Variants in LOC400499 observed in about 807,000 individuals in gnomAD.
the LOC400499 span, chr16:11,392,766 G>C: frequency 1.0e-6 from 1 of 983,982 alleles, no homozygotes. Flanking sequence ...ACCAAGGCAG[G>C]AGTACAGTGG....
chr16:11,398,795 G>A, the LOC400499 span, among the ~76,000 whole-genome samples: 38 of 152,086 alleles, frequency 2.5e-4, no homozygotes, highest in Non-Finnish European at 4.7e-4. Flanking sequence ...AAATAGCTAG[G>A]ATTACAGGTG....
chr16:11,486,762 GGA>G, the LOC400499 span, among the ~76,000 whole-genome samples: 1 of 64,290 alleles, frequency 1.6e-5, no homozygotes, highest in Non-Finnish European at 2.8e-5. Flanking sequence ...GTGGGTGGAT[GGA>G]TGAATGGATA....
At chr16:11,501,004 G>A in the LOC400499 span, 6 of 398,772 alleles carry the variant, frequency 1.5e-5, no homozygotes, top group Admixed American at 8.8e-5. Flanking sequence ...CGTGCTGAGC[G>A]CCTGCAAAGC....
At chr16:11,513,112 T>A in the LOC400499 span, among the ~76,000 whole-genome samples, 1 of 152,108 alleles carries the variant, frequency 6.6e-6, no homozygotes, top group African/African-American at 2.4e-5. Context: ...AAAAATTTAA[T>A]CGGCGGGGTT....
At chr16:11,500,677 G>C in the LOC400499 span, 3 of 396,912 alleles carry the variant, frequency 7.6e-6, no homozygotes, top group Non-Finnish European at 8.9e-6. Flanking sequence ...AGGATGGGTG[G>C]TCTGGCCTCC....
At chr16:11,477,740 G>T in the LOC400499 span, 7 of 397,436 alleles carry the variant, frequency 1.8e-5, no homozygotes, top group Non-Finnish European at 2.7e-5. Context: ...TACCCATACG[G>T]ATGTCACCCA....
At chr16:11,417,015 G>A in the LOC400499 span, among the ~76,000 whole-genome samples, 1 of 152,134 alleles carries the variant, frequency 6.6e-6, no homozygotes, top group Non-Finnish European at 1.5e-5. Flanking sequence ...TGGCATGTAT[G>A]CAGTAAGTGC....
At chr16:11,457,178 C>CA in the LOC400499 span, 355 of 717,994 alleles carry the variant, frequency 4.9e-4, no homozygotes, top group Admixed American at 1.2e-3. Context: ...GAACGCAGTC[C>CA]AAAAAAACAA....
the LOC400499 span, chr16:11,478,081 G>C: frequency 1.0e-5 from 4 of 395,906 alleles, no homozygotes; most frequent in South Asian, 4.0e-4. Context: ...GGGAGGCCGA[G>C]ACGGGTGGAT....
the LOC400499 span, among the ~76,000 whole-genome samples, chr16:11,432,627 G>A: frequency 6.6e-6 from 1 of 152,182 alleles, no homozygotes; most frequent in Non-Finnish European, 1.5e-5. Context: ...GAAGCTTGCT[G>A]TTAAACTTGC....
the LOC400499 span, chr16:11,518,993 T>G: frequency 2.5e-6 from 1 of 398,762 alleles, no homozygotes; most frequent in Non-Finnish European, 4.4e-6. Context: ...GCACCGTGAG[T>G]TGGTGACCTC....
the LOC400499 span, among the ~76,000 whole-genome samples, chr16:11,443,857 C>A: frequency 2.0e-5 from 3 of 149,526 alleles, no homozygotes; most frequent in Admixed American, 2.0e-4. Flanking sequence ...TTTTTTGAGA[C>A]CAAGTCTCTC....
the LOC400499 span, among the ~76,000 whole-genome samples, chr16:11,394,605 G>A: frequency 2.6e-3 from 402 of 152,352 alleles, 2 homozygotes; most frequent in African/African-American, 9.2e-3. Context: ...GGTGTTATTC[G>A]GAAATAGGTT....
chr16:11,485,810 A>C, the LOC400499 span, among the ~76,000 whole-genome samples: 1 of 152,160 alleles, frequency 6.6e-6, no homozygotes, highest in African/African-American at 2.4e-5. Flanking sequence ...ATGACTGGTG[A>C]GTGGATGGAT....
chr16:11,411,840 C>T, the LOC400499 span, among the ~76,000 whole-genome samples: 4 of 136,640 alleles, frequency 2.9e-5, no homozygotes, highest in East Asian at 2.1e-4. Context: ...ACAATCTCCA[C>T]GTTTTTCTCT....
the LOC400499 span, among the ~76,000 whole-genome samples, chr16:11,375,178 C>T: frequency 7.4e-6 from 1 of 135,118 alleles, no homozygotes; most frequent in Non-Finnish European, 1.6e-5. Context: ...GCCATATTGT[C>T]TTCCATAGCT....
At chr16:11,397,600 G>C in the LOC400499 span, among the ~76,000 whole-genome samples, 3 of 152,138 alleles carry the variant, frequency 2.0e-5, no homozygotes, top group African/African-American at 7.2e-5. Flanking sequence ...GAATACAGCC[G>C]TAAGGATTCA....
the LOC400499 span, chr16:11,440,726 G>T: frequency 2.5e-6 from 1 of 399,056 alleles, no homozygotes; most frequent in South Asian, 1.3e-4. Context: ...CTCCTGACCT[G>T]GGATGTGACG....
At chr16:11,456,653 C>T in the LOC400499 span, among the ~76,000 whole-genome samples, 1 of 152,148 alleles carries the variant, frequency 6.6e-6, no homozygotes, top group Admixed American at 6.5e-5. Flanking sequence ...ATCTCAGACT[C>T]CTGGCCTCGA....
Sources: allele counts gnomAD v4.1 joint callset (sites outside exome capture counted in the v4.1 genomes callset), GRCh38; gene constraint gnomAD v4.1.1; transcripts MANE v1.5.